Variants in CSMD3 observed in about 807,000 individuals in gnomAD.
The protein encoded by CSMD3 is CUB and Sushi multiple domains 3.
In CSMD3, 177 loss-of-function variants were observed where a neutral mutation model predicts 435.2. The ratio of observed to expected loss-of-function variants is 0.41; its 90% confidence interval spans 0.36 to 0.46. The LOEUF (loss-of-function observed/expected upper bound fraction) is 0.46. Among genes scored for constraint, CSMD3 ranks in the 20% least tolerant of loss-of-function variants. CSMD3 has a pLI of 0.34. For missense variants in CSMD3, 4,265 were observed against 4,504.6 expected (o/e 0.95, Z 1.52); for synonymous variants, 1,656 against 1,520.5 (o/e 1.09, Z -2.07).
rs532735344 is a variant in CSMD3 at position 112,937,946 on chromosome 8, A to C, written c.1508+9844T>G. Among the ~76,000 whole-genome samples, 5 of 152,332 alleles carry C rather than the reference A, an allele frequency of 3.3e-5. No individual in the cohort carries two copies. The East Asian group carries it at 7.7e-4, about 24-fold the overall frequency. ...CTGAGCAGAAAGATAAAAGAAGCAC[A>C]CAAGTAAATTTTATTCAAGTCAAAT... On this transcript the variant is annotated intron_variant, in intron 9 of 70. Transcript: ENST00000297405.
chr8:112,854,345 C>G (rs1358708496), intron 11 of CSMD3, among the ~76,000 whole-genome samples: 1 of 152,106 alleles, frequency 6.6e-6, no homozygotes, highest in Admixed American at 6.5e-5. Context: ...TATGCAATTA[C>G]TTATCTTTTG....
At chr8:113,189,135 A>T (rs901289398) in intron 3 of CSMD3, among the ~76,000 whole-genome samples, 12 of 151,852 alleles carry the variant, frequency 7.9e-5, no homozygotes, top group Admixed American at 1.3e-4. Flanking sequence ...ATCTTTACTG[A>T]GATCTTAACA....
chr8:113,343,028 T>A (rs1588558283), intron 1 of CSMD3, among the ~76,000 whole-genome samples: 1 of 146,644 alleles, frequency 6.8e-6, no homozygotes, highest in African/African-American at 2.5e-5. Context: ...GGAAGAAGAG[T>A]CAAAATAGGA....
chr8:112,377,818 C>A (rs904705645), intron 38 of CSMD3, among the ~76,000 whole-genome samples: 5 of 151,948 alleles, frequency 3.3e-5, no homozygotes, highest in African/African-American at 1.2e-4. Flanking sequence ...TAAAAACTCT[C>A]AAAAAACTAG....
At chr8:113,357,085 T>C (rs1279222986) in intron 1 of CSMD3, among the ~76,000 whole-genome samples, 1 of 152,206 alleles carries the variant, frequency 6.6e-6, no homozygotes, top group Admixed American at 6.5e-5. Flanking sequence ...TGTGTTTGTG[T>C]TGTATTTACA....
rs143698615 is a variant in CSMD3, at chr8:112,611,749, G to T, written c.3716-24514C>A. On this transcript the variant is annotated intron_variant, in intron 22 of 70. Coordinates refer to ENST00000297405, the MANE Select transcript of CSMD3 (RefSeq NM_198123.2). ...ATTCTAGCTAATGAAATTAAATTCA[G>T]AATGTGCCTTCTTTGTCTACTGGAC... Among the ~76,000 whole-genome samples, 19 of 152,222 alleles carry T rather than the reference G, an allele frequency of 1.2e-4. No homozygotes were observed. In the East Asian group the frequency reaches 3.7e-3, roughly 29 times the overall value.
intron 1 of CSMD3, among the ~76,000 whole-genome samples, chr8:113,365,513 TAAAC>T (rs2094305385): frequency 6.6e-6 from 1 of 152,010 alleles, no homozygotes; most frequent in Non-Finnish European, 1.5e-5. Context: ...ACTCAGAACT[TAAAC>T]TAATATGTTG....
chr8:113,188,659 C>T (rs1162601751), intron 3 of CSMD3, among the ~76,000 whole-genome samples: 1 of 151,908 alleles, frequency 6.6e-6, no homozygotes, highest in Admixed American at 6.6e-5. Context: ...AGTAGAAGGG[C>T]TTGTTCCAGT....
chr8:113,014,448 G>T (rs554502003), intron 6 of CSMD3, among the ~76,000 whole-genome samples: 1 of 151,952 alleles, frequency 6.6e-6, no homozygotes, highest in South Asian at 2.1e-4. Context: ...CACCAAGATT[G>T]CACACACAAT....
chr8:112,578,652 T>C (rs1445076799), intron 23 of CSMD3, among the ~76,000 whole-genome samples: 1 of 152,010 alleles, frequency 6.6e-6, no homozygotes, highest in East Asian at 1.9e-4. Flanking sequence ...TACATAAGGT[T>C]TTTAAAATAA....
At chr8:113,084,213 C>T (rs1401034122) in intron 5 of CSMD3, among the ~76,000 whole-genome samples, 1 of 152,062 alleles carries the variant, frequency 6.6e-6, no homozygotes, top group Non-Finnish European at 1.5e-5. Context: ...GAAATGTAGA[C>T]TCTACCAAAT....
intron 2 of CSMD3, among the ~76,000 whole-genome samples, chr8:113,287,326 C>A (rs762329986): frequency 1.4e-4 from 22 of 151,892 alleles, no homozygotes; most frequent in Non-Finnish European, 2.9e-4. Flanking sequence ...AAACTATTAG[C>A]CTATTTAATG....
chr8:112,980,368 A>C (rs2085005758), intron 6 of CSMD3, among the ~76,000 whole-genome samples: 1 of 151,368 alleles, frequency 6.6e-6, no homozygotes, highest in South Asian at 2.1e-4. Flanking sequence ...AAATTAGTTT[A>C]ATATATTCTG....
intron 1 of CSMD3, among the ~76,000 whole-genome samples, chr8:113,349,710 T>A (rs1456883242): frequency 6.6e-6 from 1 of 152,162 alleles, no homozygotes; most frequent in African/African-American, 2.4e-5. Flanking sequence ...CGTGTTATCA[T>A]GTGCCCTTAA....
At chr8:112,865,686 C>CACACACACACACA (rs1564039948) in intron 10 of CSMD3, among the ~76,000 whole-genome samples, 2 of 43,122 alleles carry the variant, frequency 4.6e-5, no homozygotes, top group Non-Finnish European at 1.2e-4. Flanking sequence ...TTTACATACC[C>CACACACACACACA]CACACACACA....
chr8:113,368,569 T>A (rs1281019863), intron 1 of CSMD3, among the ~76,000 whole-genome samples: 1 of 152,094 alleles, frequency 6.6e-6, no homozygotes, highest in African/African-American at 2.4e-5. Context: ...ATATATCACA[T>A]TATCTTCCTA....
chr8:113,103,712 T>G, intron 4 of CSMD3, among the ~76,000 whole-genome samples: 1 of 152,086 alleles, frequency 6.6e-6, no homozygotes, highest in East Asian at 1.9e-4. Flanking sequence ...TAACACCATT[T>G]ATTATACTTT....
intron 59 of CSMD3, among the ~76,000 whole-genome samples, chr8:112,275,414 G>A (rs1234510721): frequency 6.6e-6 from 1 of 152,102 alleles, no homozygotes; most frequent in African/African-American, 2.4e-5. Flanking sequence ...AGGCATGGTG[G>A]TGGGTGTCTG....
chr8:112,886,159 T>G (rs549245181), intron 10 of CSMD3, among the ~76,000 whole-genome samples: 1 of 151,774 alleles, frequency 6.6e-6, no homozygotes, highest in African/African-American at 2.4e-5. Context: ...AGAGTAATTT[T>G]AAATAAATCT....
Sources: gnomAD v4.1 joint callset for allele counts (sites outside exome capture counted in the v4.1 genomes callset) on GRCh38, gnomAD v4.1.1 for gene constraint, MANE v1.5 for transcripts, NCBI Gene and HGNC (gene_info 2026-07-23, HGNC 2026-07-21) for gene names.